Variants in SLC25A13 observed in about 807,000 individuals in gnomAD.
SLC25A13 encodes the protein electrogenic aspartate/glutamate antiporter SLC25A13, mitochondrial.
In SLC25A13, 70 loss-of-function variants were observed where a neutral mutation model predicts 85.5. The ratio of observed to expected loss-of-function variants is 0.82; its 90% CI spans 0.68 to 1.00. The LOEUF is 1.00. Ranked by LOEUF, SLC25A13 falls within the 50% of genes least tolerant of loss-of-function variation. The probability of loss-of-function intolerance (pLI) is 0.00; values close to 1 mark genes in which losing one functional copy is unlikely to be tolerated. For synonymous variants in SLC25A13, 259 were observed against 288.7 expected (o/e 0.90, Z 1.04); for missense variants, 765 against 819.8 (o/e 0.93, Z 0.82).
chr7:96,128,998 G>C (rs1342870559), intron 15 of SLC25A13, among the ~76,000 whole-genome samples: 1 of 127,820 alleles, frequency 7.8e-6, no homozygotes, highest in Non-Finnish European at 1.6e-5. Flanking sequence ...TTGCTCTGGG[G>C]AATCTACTGC....
chr7:96,132,469 G>C (rs1433497602), intron 14 of SLC25A13, among the ~76,000 whole-genome samples: 1 of 152,108 alleles, frequency 6.6e-6, no homozygotes, highest in Non-Finnish European at 1.5e-5. Flanking sequence ...ATTGATAAAT[G>C]CCTGCTCTAA....
At chr7:96,307,979 C>T (rs1302143387) in intron 1 of SLC25A13, among the ~76,000 whole-genome samples, 3 of 151,938 alleles carry the variant, frequency 2.0e-5, no homozygotes, top group Admixed American at 1.3e-4. Context: ...CGGAGAAACT[C>T]AGTCTCTACT....
chr7:96,307,250 T>C (rs1799780752), intron 1 of SLC25A13, among the ~76,000 whole-genome samples: 1 of 152,182 alleles, frequency 6.6e-6, no homozygotes, highest in African/African-American at 2.4e-5. Context: ...GGGAAATGTG[T>C]ACAATGTGTA....
At chr7:96,301,638 T>G (rs1174837986) in intron 1 of SLC25A13, among the ~76,000 whole-genome samples, 1 of 151,740 alleles carries the variant, frequency 6.6e-6, no homozygotes, top group Non-Finnish European at 1.5e-5. Flanking sequence ...TTTTGTTTTT[T>G]TTTTTTTTAG....
intron 4 of SLC25A13, among the ~76,000 whole-genome samples, chr7:96,215,615 C>A (rs1452096966): frequency 6.6e-6 from 1 of 152,004 alleles, no homozygotes; most frequent in Non-Finnish European, 1.5e-5. Context: ...TCCTATCTCA[C>A]CCTGTATACA....
chr7:96,154,500 T>A (rs1793177023), intron 13 of SLC25A13, among the ~76,000 whole-genome samples: 1 of 152,190 alleles, frequency 6.6e-6, no homozygotes, highest in Non-Finnish European at 1.5e-5. Context: ...TTTCACTAAG[T>A]TGGCCAGGAT....
intron 12 of SLC25A13, 71 bp from the exon 13 acceptor site, chr7:96,170,196 TCTGTCA>T: frequency 7.7e-7 from 1 of 1,300,984 alleles, no homozygotes; most frequent in South Asian, 1.2e-5. Flanking sequence ...TAAATATGCA[TCTGTCA>T]ATATATGCTA....
At chr7:96,215,300 T>C (rs1350570000) in intron 4 of SLC25A13, among the ~76,000 whole-genome samples, 5 of 152,164 alleles carry the variant, frequency 3.3e-5, no homozygotes, top group Non-Finnish European at 7.3e-5. Flanking sequence ...TTTCACCATG[T>C]TGGTCAGGCT....
intron 15 of SLC25A13, among the ~76,000 whole-genome samples, chr7:96,130,811 T>C (rs1791995317): frequency 1.3e-5 from 2 of 152,156 alleles, no homozygotes; most frequent in Non-Finnish European, 2.9e-5. Flanking sequence ...TATACCAATA[T>C]CACTGCCTTT....
chr7:96,184,526 A>G, intron 10 of SLC25A13, 91 bp from the exon 11 acceptor site: 2 of 1,212,604 alleles, frequency 1.6e-6, no homozygotes, highest in Non-Finnish European at 2.4e-6. Context: ...AGACTGAGAA[A>G]AGAAATGTGT....
At chr7:96,180,699 C>T (rs970210824) in intron 11 of SLC25A13, among the ~76,000 whole-genome samples, 5 of 152,250 alleles carry the variant, frequency 3.3e-5, no homozygotes, top group African/African-American at 1.2e-4. Context: ...GGCTGCTCAT[C>T]TCATCACCTG....
intron 14 of SLC25A13, among the ~76,000 whole-genome samples, chr7:96,138,580 T>TG (rs1477817618): frequency 6.6e-6 from 1 of 151,986 alleles, no homozygotes; most frequent in Non-Finnish European, 1.5e-5. Flanking sequence ...AATATTTTTG[T>TG]GTAGAGATGA....
At chr7:96,176,469 T>G (rs1465732398) in intron 11 of SLC25A13, among the ~76,000 whole-genome samples, 3 of 152,230 alleles carry the variant, frequency 2.0e-5, no homozygotes, top group Non-Finnish European at 2.9e-5. Context: ...AATGCTTCCT[T>G]GGCAACTCGA....
At chr7:96,284,649 G>A (rs955654858) in intron 2 of SLC25A13, among the ~76,000 whole-genome samples, 8 of 152,170 alleles carry the variant, frequency 5.3e-5, no homozygotes, top group African/African-American at 1.2e-4. Flanking sequence ...TGTCCAGGGC[G>A]GGGCCAGGTG....
intron 2 of SLC25A13, among the ~76,000 whole-genome samples, chr7:96,293,171 A>C (rs1460750021): frequency 6.6e-6 from 1 of 152,150 alleles, no homozygotes; most frequent in Non-Finnish European, 1.5e-5. Flanking sequence ...CAAAAACAAG[A>C]AATGGGGAAG....
chr7:96,321,888 A>G, intron 1 of SLC25A13, 54 bp downstream of exon 1: 1 of 1,496,232 alleles, frequency 6.7e-7, no homozygotes, highest in Non-Finnish European at 8.9e-7. Flanking sequence ...AGCCTCTCGC[A>G]CCCCCAGGCT....
chr7:96,145,934 T>C (rs1792766481), intron 14 of SLC25A13, among the ~76,000 whole-genome samples: 1 of 152,242 alleles, frequency 6.6e-6, no homozygotes, highest in African/African-American at 2.4e-5. Context: ...AAAATGTTTT[T>C]TTAAAAAATT....
intron 11 of SLC25A13, among the ~76,000 whole-genome samples, chr7:96,177,085 A>G (rs547137412): frequency 6.6e-6 from 1 of 152,354 alleles, no homozygotes; most frequent in African/African-American, 2.4e-5. Context: ...TCCAAAAGAC[A>G]TAATGCTTCT....
intron 3 of SLC25A13, among the ~76,000 whole-genome samples, chr7:96,264,725 T>A (rs1048799622): frequency 2.0e-5 from 3 of 151,800 alleles, no homozygotes; most frequent in Non-Finnish European, 4.4e-5. Context: ...TTTTTTTTTT[T>A]AATTGTAGAG....
Sources: gnomAD v4.1 joint callset for allele counts (sites outside exome capture counted in the v4.1 genomes callset) on GRCh38, gnomAD v4.1.1 for gene constraint, MANE v1.5 for transcripts, NCBI Gene and HGNC (gene_info 2026-07-23, HGNC 2026-07-21) for gene names.